Variants in GNA11 observed in about 807,000 individuals in gnomAD.
GNA11 encodes the protein G protein subunit alpha 11, also known as guanine nucleotide-binding protein subunit alpha-11.
A neutral mutation model predicts 38.2 loss-of-function variants in GNA11; 8 were observed. That is an observed-to-expected ratio of 0.21 (90% confidence interval 0.12 to 0.38). The LOEUF is 0.38. GNA11 is among the 10% of genes least tolerant of loss of function. GNA11 has a pLI of 1.00. For missense variants in GNA11, 268 were observed against 516.3 expected (o/e 0.52, Z 4.66); for synonymous variants, 211 against 221.4 (o/e 0.95, Z 0.42).
At chr19:3,115,221 T>C (rs1404453708) in intron 4 of GNA11, 149 bp downstream of exon 4, 1 of 818,568 alleles carries the variant, frequency 1.2e-6, no homozygotes. Context: ...CTGGGCAACA[T>C]AGCCAGACCT....
chr19:3,097,772 C>G (rs139094145), intron 1 of GNA11, among the ~76,000 whole-genome samples: 10 of 152,196 alleles, frequency 6.6e-5, no homozygotes, highest in Non-Finnish European at 1.0e-4. Context: ...TGGGCCTCTC[C>G]GTTACGTACA....
intron 1 of GNA11, among the ~76,000 whole-genome samples, chr19:3,100,592 C>A (rs992336748): frequency 6.6e-6 from 1 of 152,226 alleles, no homozygotes; most frequent in East Asian, 1.9e-4. Context: ...CTGGGGCAGG[C>A]TCGGTTGCCA....
chr19:3,121,238 C>T lies in GNA11; in HGVS notation c.*59C>T, dbSNP rs1316614553. The T allele has an allele frequency of 1.4e-6, 2 of 1,385,470 alleles. No individual in the cohort carries two copies. The highest frequency in any genetic ancestry group is 2.0e-6 in the Non-Finnish European group (2 of 999,210). The allele number at this position is 1,385,470 out of a possible 1,614,324, so 85.8% of individuals were successfully genotyped here. A position where few individuals can be genotyped will look rare whatever the true frequency, so the allele number is the denominator to read the frequency against. On this transcript the variant is annotated 3_prime_UTR_variant, in exon 7 of 7. Transcript: ENST00000078429. ...GGGGCAGGACCTTCCTTCCACGGAGCCTGCGGCTGCCGGGCGGGTGGCGCT... is the reference window on the plus strand; with the variant it reads ...GGGGCAGGACCTTCCTTCCACGGAGTCTGCGGCTGCCGGGCGGGTGGCGCT...
chr19:3,103,203 G>GTTAT (rs201104739), intron 1 of GNA11, among the ~76,000 whole-genome samples: 5,385 of 151,884 alleles, frequency 0.035, 141 homozygotes, highest in African/African-American at 0.072. Context: ...CTTTTTATTT[G>GTTAT]TTATTTATTT....
At position 3,121,611 on chromosome 19, in the gene GNA11, C is replaced by T. The variant is rs308041; in HGVS notation, c.*432C>T. ...CACGCGCCCCCACACCGCAGCCCCC[C>T]GTGGCTGTCCTTCCAACCCCACGTG... On this transcript the variant is annotated 3_prime_UTR_variant, in exon 7 of 7. Transcript: ENST00000078429. 185 of 233,810 alleles carry T rather than the reference C, an allele frequency of 7.9e-4. 1 individual carries two copies. Among genetic ancestry groups the T allele is most frequent in the Non-Finnish European group, 8.9e-4 (106 of 118,508 alleles). 14.5% of individuals were successfully genotyped at this position (233,810 alleles called of 1,614,324 possible). A position where few individuals can be genotyped will look rare whatever the true frequency, so the allele number is the denominator to read the frequency against.
intron 1 of GNA11, among the ~76,000 whole-genome samples, chr19:3,099,454 G>A (rs900951699): frequency 3.3e-5 from 5 of 152,168 alleles, no homozygotes; most frequent in East Asian, 1.9e-4. Flanking sequence ...TCGCAGAACC[G>A]GGATCCTAAG....
In GNA11 at chr19:3,120,923, A is replaced by T. The variant is rs1344620794; in HGVS notation, c.890-66A>T. ...CTCGCTCATCCCCTGGGAGTGACAA[A>T]GGGGCCCACGAGTCCCTTGCCCTGG... On this transcript the variant is annotated intron_variant, in intron 6 of 6. Coordinates refer to ENST00000078429, the MANE Select transcript of GNA11 (RefSeq NM_002067.5). The surrounding 1 kb of genome is among the most constrained non-coding windows in gnomAD (Gnocchi z 5.9). The T allele has an allele frequency of 1.1e-5, 14 of 1,232,108 alleles. No homozygotes were observed. Among genetic ancestry groups the T allele is most frequent in the Non-Finnish European group, 1.6e-5 (14 of 860,104 alleles). 76.3% of individuals were successfully genotyped at this position (1,232,108 alleles called of 1,614,324 possible).
rs773698583 is a variant in GNA11, at chr19:3,110,344, G to A, written c.321+11G>A. On this transcript the variant is annotated intron_variant, in intron 2 of 6. Coordinates refer to ENST00000078429, the MANE Select transcript of GNA11 (RefSeq NM_002067.5). This position sits in a 1 kb window ranked among gnomAD's most constrained non-coding sequence, Gnocchi z 5.4. ...TACGAGCAGAACAAGGTGAGCCCGC[G>A]GGCGCCTGGGGAGGGGAGCGCCTGG... The A allele has an allele frequency of 6.9e-6, 11 of 1,596,954 alleles. No homozygotes were observed. The highest frequency in any genetic ancestry group is 4.5e-5 in the South Asian group (4 of 88,770).
intron 1 of GNA11, among the ~76,000 whole-genome samples, chr19:3,106,630 G>T (rs1042116388): frequency 7.9e-6 from 1 of 127,116 alleles, no homozygotes; most frequent in South Asian, 2.6e-4. Context: ...CACCCAGCGG[G>T]AGTGGTGCAC....
chr19:3,105,464 G>A (rs536616186), intron 1 of GNA11, among the ~76,000 whole-genome samples: 1 of 151,692 alleles, frequency 6.6e-6, no homozygotes, highest in African/African-American at 2.4e-5. Context: ...TGGTGTAGGG[G>A]GTGGTTGTGT....
chr19:3,103,161 C>G (rs562099004), intron 1 of GNA11, among the ~76,000 whole-genome samples: 1 of 152,302 alleles, frequency 6.6e-6, no homozygotes. Flanking sequence ...AGCCCTGCCA[C>G]TGGGGTCATG....
At position 3,096,450 on chromosome 19, in the gene GNA11, C is replaced by A. The variant is rs908927338; in HGVS notation, c.136+1663C>A. On this transcript the variant is annotated intron_variant, in intron 1 of 6. Coordinates refer to ENST00000078429, the MANE Select transcript of GNA11 (RefSeq NM_002067.5). ...AATTACTGGTGTCATAAAGATCTTA[C>A]CAGATGGCCTTGCCCTGTGGCTCTG... Among the ~76,000 whole-genome samples the A allele has an allele frequency of 2.6e-5, 4 of 152,162 alleles. No homozygotes were observed. The East Asian group carries it at 7.7e-4, about 29-fold the overall frequency.
At chr19:3,096,565 C>T (rs1201475110) in intron 1 of GNA11, among the ~76,000 whole-genome samples, 2 of 152,188 alleles carry the variant, frequency 1.3e-5, no homozygotes, top group Admixed American at 1.3e-4. Context: ...GGTTCAAGGA[C>T]GAAGGTCAGG....
chr19:3,095,158 C>T (rs1913333760), intron 1 of GNA11, among the ~76,000 whole-genome samples: 1 of 152,142 alleles, frequency 6.6e-6, no homozygotes, highest in Non-Finnish European at 1.5e-5. Context: ...CAGCCCCTGC[C>T]TTAACTGTTC....
chr19:3,121,506 A>T lies in GNA11; in HGVS notation c.*327A>T, dbSNP rs1464452323. ...AAAAAAGCAACGAAACATAAAACAC[A>T]CAAGCGCCCCGTGCCCCCAGTGACT... On this transcript the variant is annotated 3_prime_UTR_variant, in exon 7 of 7. Coordinates refer to ENST00000078429, the MANE Select transcript of GNA11 (RefSeq NM_002067.5). 1.3e-5 allele frequency: 3 copies of T among 238,194 alleles called. No individual in the cohort carries two copies. The highest frequency in any genetic ancestry group is 1.3e-4 in the South Asian group (1 of 7,408). 14.8% of individuals were successfully genotyped at this position (238,194 alleles called of 1,614,324 possible).
At position 3,122,313 on chromosome 19, in the gene GNA11, C is replaced by T. The variant is rs1321723037; in HGVS notation, c.*1134C>T. The T allele has an allele frequency of 2.2e-5, 5 of 232,548 alleles. No homozygotes were observed. Among genetic ancestry groups the T allele is most frequent in the Non-Finnish European group, 4.3e-5 (5 of 117,622 alleles). 14.4% of individuals were successfully genotyped at this position (232,548 alleles called of 1,614,324 possible). On this transcript the variant is annotated 3_prime_UTR_variant, in exon 7 of 7. Transcript: ENST00000078429. The surrounding 1 kb of genome is among the most constrained non-coding windows in gnomAD (Gnocchi z 7.7). ...CCTTGTCCCAAGCACTTGCGCCCGC[C>T]CCCGAGCGCCGCCCCCGGGGAGCGG...
chr19:3,106,674 G>A (rs752695521), intron 1 of GNA11, among the ~76,000 whole-genome samples: 1 of 152,264 alleles, frequency 6.6e-6, no homozygotes, highest in African/African-American at 2.4e-5. Context: ...AGCTGTGTAC[G>A]GGCTGCATGT....
rs41315974 is a variant in GNA11 at position 3,122,080 on chromosome 19, G to A, written c.*901G>A. The A allele has an allele frequency of 7.3e-3, 1,694 of 233,232 alleles. 32 individuals are homozygous for A. Among genetic ancestry groups the A allele is most frequent in the African/African-American group, 0.035 (1,572 of 45,414 alleles). The allele number at this position is 233,232 out of a possible 1,614,324, so 14.4% of individuals were successfully genotyped here. Reference sequence around the variant, plus strand: ...TGCCCTGGCTAGAGCGCACCCCACCGGAGCCCACGTGGGCTGGGCGGCTGG... The same window carrying A: ...TGCCCTGGCTAGAGCGCACCCCACCAGAGCCCACGTGGGCTGGGCGGCTGG... On this transcript the variant is annotated 3_prime_UTR_variant, in exon 7 of 7. Transcript: ENST00000078429. This position sits in a 1 kb window ranked among gnomAD's most constrained non-coding sequence, Gnocchi z 7.7.
At chr19:3,116,448 C>T (rs1265083387) in intron 4 of GNA11, among the ~76,000 whole-genome samples, 4 of 151,928 alleles carry the variant, frequency 2.6e-5, no homozygotes, top group South Asian at 2.1e-4. Context: ...TAGTGGCGGC[C>T]GCATCCTTGG....
Sources: gnomAD v4.1 joint callset for allele counts (sites outside exome capture counted in the v4.1 genomes callset) on GRCh38, gnomAD v4.1.1 for gene constraint, Gnocchi (gnomAD v3.1) non-coding constraint, MANE v1.5 for transcripts, NCBI Gene and HGNC (gene_info 2026-07-23, HGNC 2026-07-21) for gene names.